The following MTPN variants were observed in gnomAD, a reference collection of about 807,000 sequenced individuals.
MTPN encodes the protein granule cell differentiation protein.
Under a neutral mutation model 13.5 loss-of-function variants are expected in MTPN, and 2 were observed. That is an observed-to-expected ratio of 0.15 (90% CI 0.06 to 0.47). The LOEUF is 0.47. Among genes scored for constraint, MTPN ranks in the 20% least tolerant of loss-of-function variants. The pLI is 0.97. For missense variants in MTPN, 79 were observed against 137.9 expected (o/e 0.57, Z 2.14); for synonymous variants, 46 against 51.7 (o/e 0.89, Z 0.48).
chr7:135,969,254 GA>G (rs1361054424), intron 1 of MTPN, among the ~76,000 whole-genome samples: 11,307 of 119,070 alleles, frequency 0.095, 514 homozygotes, highest in East Asian at 0.12. Context: ...AAAAAAAAAA[GA>G]AAAAAAAAAG....
chr7:135,946,298 T>G lies in MTPN; in HGVS notation c.270+4301A>C, dbSNP rs150842160. Among the ~76,000 whole-genome samples, 73 of 152,354 alleles carry G rather than the reference T, an allele frequency of 4.8e-4. No homozygotes were observed. The East Asian group carries it at 0.011, about 23-fold the overall frequency. ...GATAAGTGTCCTATAAACTCTTGTTTGGCTACATTAAAAAATCTTTTCAAA... is the reference window on the plus strand; with the variant it reads ...GATAAGTGTCCTATAAACTCTTGTTGGGCTACATTAAAAAATCTTTTCAAA... On this transcript the variant is annotated intron_variant, in intron 3 of 3. Transcript: ENST00000393085.
chr7:135,975,963 C>T (rs1009537453), intron 1 of MTPN, among the ~76,000 whole-genome samples: 1 of 152,226 alleles, frequency 6.6e-6, no homozygotes, highest in Non-Finnish European at 1.5e-5. Context: ...AGCAAAAACC[C>T]AGGTCAGGTC....
At chr7:135,962,415 T>C (rs1325213559) in intron 1 of MTPN, among the ~76,000 whole-genome samples, 1 of 151,958 alleles carries the variant, frequency 6.6e-6, no homozygotes. Context: ...AATACTAGAA[T>C]TGCAGACCAT....
intron 3 of MTPN, among the ~76,000 whole-genome samples, chr7:135,931,586 T>A (rs146558716): frequency 1.7e-4 from 26 of 152,288 alleles, no homozygotes; most frequent in African/African-American, 6.3e-4. Flanking sequence ...GCGTGAGAAC[T>A]TCAGTGCTGT....
At position 135,951,522 on chromosome 7, in the gene MTPN, T is replaced by C. The variant is rs1799363926; in HGVS notation, c.181A>G (p.Ile61Val). The change falls in exon 2 of 4, where the codon ATT (isoleucine) becomes GTT (valine). Residue 61 changes from isoleucine to valine, a missense_variant. Ile to Val is a conservative substitution (Grantham distance 29). Transcript: ENST00000393085. ...LEFLLLKGAD[I>V]NAPDKHHITP... Reference sequence around the variant, plus strand: ...TGATCACGTCCTCTACGTACATTAATATCTGCTCCTTTCAGCAGCAGAAAT... The same window carrying C: ...TGATCACGTCCTCTACGTACATTAACATCTGCTCCTTTCAGCAGCAGAAAT... 2 of 1,611,182 alleles carry C rather than the reference T, an allele frequency of 1.2e-6. No individual in the cohort carries two copies. The highest frequency in any genetic ancestry group is 1.3e-5 in the African/African-American group (1 of 74,986).
intron 1 of MTPN, among the ~76,000 whole-genome samples, chr7:135,953,775 C>T (rs1799399890): frequency 6.6e-6 from 1 of 151,908 alleles, no homozygotes; most frequent in East Asian, 1.9e-4. Flanking sequence ...TTTGGAGGAT[C>T]AAGAGTTTCA....
chr7:135,935,868 T>C (rs866604018), intron 3 of MTPN, among the ~76,000 whole-genome samples: 7 of 151,990 alleles, frequency 4.6e-5, no homozygotes, highest in African/African-American at 1.7e-4. Flanking sequence ...ACTGGACTCT[T>C]AGACACTAAG....
intron 3 of MTPN, among the ~76,000 whole-genome samples, chr7:135,940,609 T>C (rs533815966): frequency 6.6e-6 from 1 of 152,322 alleles, no homozygotes; most frequent in East Asian, 1.9e-4. Context: ...GTTAAGAAAC[T>C]TGCCCAAGGT....
At chr7:135,937,603 C>T (rs1221827229) in intron 3 of MTPN, among the ~76,000 whole-genome samples, 4 of 152,102 alleles carry the variant, frequency 2.6e-5, no homozygotes, top group African/African-American at 4.8e-5. Context: ...ACTTATAATA[C>T]CTAATACAAC....
intron 1 of MTPN, among the ~76,000 whole-genome samples, chr7:135,969,844 AAC>A (rs1272657455): frequency 6.6e-6 from 1 of 152,212 alleles, no homozygotes; most frequent in Non-Finnish European, 1.5e-5. Flanking sequence ...ACCAATAAAA[AAC>A]AGACCAACTA....
chr7:135,938,032 A>G (rs1210516694), intron 3 of MTPN, among the ~76,000 whole-genome samples: 1 of 152,178 alleles, frequency 6.6e-6, no homozygotes, highest in Non-Finnish European at 1.5e-5. Context: ...CAAAAATTCT[A>G]TGTGGATTTT....
intron 1 of MTPN, among the ~76,000 whole-genome samples, chr7:135,965,162 A>G (rs1799586723): frequency 6.6e-6 from 1 of 152,140 alleles, no homozygotes; most frequent in African/African-American, 2.4e-5. Context: ...ATCTATACAG[A>G]CAATAATACA....
At chr7:135,965,440 A>G (rs1211709820) in intron 1 of MTPN, among the ~76,000 whole-genome samples, 1 of 152,112 alleles carries the variant, frequency 6.6e-6, no homozygotes, top group Non-Finnish European at 1.5e-5. Flanking sequence ...TAAATAATAA[A>G]AAATATTTTC....
intron 1 of MTPN, among the ~76,000 whole-genome samples, chr7:135,964,381 CATTA>C (rs1477687838): frequency 1.3e-5 from 2 of 152,050 alleles, no homozygotes; most frequent in Non-Finnish European, 2.9e-5. Context: ...GTATTTGCTG[CATTA>C]ATTATGAATG....
intron 1 of MTPN, among the ~76,000 whole-genome samples, chr7:135,960,311 T>C (rs1163619428): frequency 1.3e-5 from 2 of 152,146 alleles, no homozygotes; most frequent in Non-Finnish European, 2.9e-5. Flanking sequence ...ATTTTTTTCT[T>C]TAAACATTTT....
chr7:135,957,702 G>A (rs1230030654), intron 1 of MTPN, among the ~76,000 whole-genome samples: 2 of 152,084 alleles, frequency 1.3e-5, no homozygotes, highest in South Asian at 4.2e-4. Flanking sequence ...GAGGTGTTTG[G>A]GTCATGGGAG....
intron 3 of MTPN, among the ~76,000 whole-genome samples, chr7:135,947,293 G>C (rs1799300655): frequency 6.6e-6 from 1 of 152,090 alleles, no homozygotes; most frequent in Admixed American, 6.6e-5. Context: ...CCTTGGATCA[G>C]CTCTTGCCTT....
At chr7:135,954,779 A>G (rs1371959832) in intron 1 of MTPN, among the ~76,000 whole-genome samples, 1 of 152,118 alleles carries the variant, frequency 6.6e-6, no homozygotes, top group Admixed American at 6.5e-5. Context: ...CGTCTCAACT[A>G]AAAAACACAA....
At chr7:135,962,144 A>C (rs1250858101) in intron 1 of MTPN, among the ~76,000 whole-genome samples, 1 of 152,028 alleles carries the variant, frequency 6.6e-6, no homozygotes, top group Non-Finnish European at 1.5e-5. Flanking sequence ...TAACAGAACA[A>C]AGAAAACTTC....
Sources: gnomAD v4.1 joint callset for allele counts (sites outside exome capture counted in the v4.1 genomes callset) on GRCh38, gnomAD v4.1.1 for gene constraint, MANE v1.5 for transcripts, NCBI Gene and HGNC (gene_info 2026-07-23, HGNC 2026-07-21) for gene names.